TLE2: variants seen among roughly 807,000 people sequenced by gnomAD.
The protein encoded by TLE2 is TLE family member 2, transcriptional corepressor, also known as transducin-like enhancer protein 2.
In TLE2, 74 loss-of-function variants were observed where a neutral mutation model predicts 97.2. The ratio of observed to expected loss-of-function variants is 0.76; its 90% CI spans 0.63 to 0.92. TLE2 has a LOEUF of 0.92. Among genes scored for constraint, TLE2 ranks in the 40% least tolerant of loss-of-function variants. The pLI, the probability that TLE2 is intolerant of heterozygous loss-of-function variation, is 0.00. For synonymous variants in TLE2, 499 were observed against 432.1 expected, an observed-to-expected ratio of 1.15 and a Z score of -1.92; for missense variants, 1,038 against 1,008.7, an observed-to-expected ratio of 1.03 and a Z score of -0.39.
At position 3,006,575 on chromosome 19, in the gene TLE2, G is replaced by A. The variant is rs2145130522; in HGVS notation, c.1345C>T (p.Arg449Trp). The A allele has an allele frequency of 1.2e-6, 2 of 1,604,200 alleles. No homozygotes were observed. The highest frequency in any genetic ancestry group is 1.3e-5 in the African/African-American group (1 of 74,844). The stretch of plus-strand genomic sequence containing the variant: ...CCATGGGCCAGCGTGTGCAGCTGCC[G>A]GGCGTGCCGCGGGATGCCCGCGCCT... ...LVGAGIPRHA[R>W]QLHTLAHGEV... Residue 449 changes from arginine to tryptophan, a missense_variant, in exon 15 of 20, where the codon CGG (arginine) becomes TGG (tryptophan). Physicochemically the swap from Arg to Trp is moderately radical, Grantham distance 101. Coordinates refer to ENST00000262953, the MANE Select transcript of TLE2 (RefSeq NM_003260.5).
chr19:3,035,690 A>AT (rs2090056961), intron 1 of TLE2, among the ~76,000 whole-genome samples: 1 of 152,146 alleles, frequency 6.6e-6, no homozygotes, highest in Non-Finnish European at 1.5e-5. Flanking sequence ...ACGCTCCCAC[A>AT]TGGGTCAGTG....
In TLE2 at chr19:3,019,582, C is replaced by T; in HGVS notation, c.369+117G>A. 1 of 1,508,828 alleles carries T rather than the reference C, an allele frequency of 6.6e-7. No individual in the cohort carries two copies. The highest frequency in any genetic ancestry group is 8.9e-7 in the Non-Finnish European group (1 of 1,123,924). 93.5% of individuals were successfully genotyped at this position (1,508,828 alleles called of 1,614,324 possible). ...GCACAGCATGTGCCCCTGGGGTTCC[C>T]AGGACCACTGGAGCCAAGGCCCACA... On this transcript the variant is annotated intron_variant, in intron 6 of 19. Transcript: ENST00000262953. The surrounding 1 kb of genome is among the most constrained non-coding windows in gnomAD (Gnocchi z 5.1).
chr19:2,998,490 T>A (rs2089276785), intron 19 of TLE2, among the ~76,000 whole-genome samples: 1 of 151,908 alleles, frequency 6.6e-6, no homozygotes, highest in African/African-American at 2.4e-5. Flanking sequence ...GTTGGCCAGG[T>A]TGGGCTTGAA....
At chr19:3,000,600 C>G (rs1461951583) in intron 19 of TLE2, 47 bp downstream of exon 19, 1 of 1,533,116 alleles carries the variant, frequency 6.5e-7, no homozygotes, top group South Asian at 1.2e-5. Flanking sequence ...CCTGGCATAC[C>G]CGGGCACATG....
At chr19:3,023,560 C>G (rs1482526468) in intron 5 of TLE2, among the ~76,000 whole-genome samples, 1 of 152,140 alleles carries the variant, frequency 6.6e-6, no homozygotes, top group African/African-American at 2.4e-5. Flanking sequence ...GTAGAACTAT[C>G]TTTCACGTCT....
chr19:3,020,662 T>C (rs1189356480), intron 5 of TLE2: 1 of 152,192 alleles, frequency 6.6e-6, no homozygotes, highest in Non-Finnish European at 1.5e-5. Context: ...TTCAACTACG[T>C]TGTGGGCTCA....
intron 5 of TLE2, among the ~76,000 whole-genome samples, chr19:3,023,060 T>C (rs1341409610): frequency 6.0e-4 from 91 of 151,262 alleles, no homozygotes; most frequent in East Asian, 7.7e-4. Flanking sequence ...CCTAATCTTT[T>C]TTTTTTTTTT....
chr19:3,002,762 A>C (rs889843971), intron 17 of TLE2, among the ~76,000 whole-genome samples: 1 of 151,548 alleles, frequency 6.6e-6, no homozygotes, highest in African/African-American at 2.4e-5. Context: ...GCAATGTTGC[A>C]GTCTCAGCTC....
intron 1 of TLE2, among the ~76,000 whole-genome samples, chr19:3,042,801 G>A (rs568673915): frequency 6.6e-6 from 1 of 152,156 alleles, no homozygotes; most frequent in South Asian, 2.1e-4. Flanking sequence ...CTCGGAAGTC[G>A]GTTTCATATT....
At chr19:3,014,673 A>G (rs2089665337) in intron 9 of TLE2, 59 bp from the exon 10 acceptor site, 3 of 1,457,082 alleles carry the variant, frequency 2.1e-6, no homozygotes, top group East Asian at 2.6e-5. Flanking sequence ...CACACCCCCT[A>G]TCCGCTCCTC....
chr19:3,004,042 C>T (rs2089423730), intron 17 of TLE2, among the ~76,000 whole-genome samples: 1 of 152,132 alleles, frequency 6.6e-6, no homozygotes, highest in Non-Finnish European at 1.5e-5. Flanking sequence ...GGTCCTCCAC[C>T]TCATTTTAAG....
rs199863291 is a variant in TLE2 at position 2,997,944 on chromosome 19, C to T, written c.2136G>A (p.Ser712=). The part of the protein sequence containing the change: ...YGASIFQSKE[S]SSVLSCDISR... Reference sequence around the variant, plus strand: ...AGATGTCACAACTCAGGACTGAGGACGACTCCTTGGACTGCCAAGGGAAGG... The same window carrying T: ...AGATGTCACAACTCAGGACTGAGGATGACTCCTTGGACTGCCAAGGGAAGG... Residue 712 remains serine (S), a synonymous_variant, in exon 20 of 20, where the codon TCG becomes TCA. Coordinates refer to ENST00000262953, the MANE Select transcript of TLE2 (RefSeq NM_003260.5). 4.8e-5 allele frequency: 78 copies of T among 1,611,654 alleles called. No individual in the cohort carries two copies. The highest frequency in any genetic ancestry group is 1.7e-4 in the Middle Eastern group (1 of 6,060).
chr19:3,031,710 A>G (rs116592541), upstream of TLE2, among the ~76,000 whole-genome samples: 1,195 of 152,262 alleles, frequency 7.8e-3, 25 homozygotes, highest in African/African-American at 0.028. Context: ...CACCAGGCAC[A>G]GTCCAGCCTC....
intron 14 of TLE2, 112 bp downstream of exon 14, chr19:3,008,757 A>C: frequency 1.5e-5 from 13 of 842,170 alleles, no homozygotes; most frequent in South Asian, 2.5e-5. Flanking sequence ...GGCCCACACA[A>C]GAGACTTTCT....
Position 3,013,696 on chromosome 19 carries a change from CGGTGAG to C in TLE2, c.840_845del (p.Ser281_Pro282del), listed in dbSNP as rs2089642846. The C allele has an allele frequency of 4.1e-6, 6 of 1,479,260 alleles. No individual in the cohort carries two copies. The highest frequency in any genetic ancestry group is 5.4e-6 in the Non-Finnish European group (6 of 1,113,160). The allele number at this position is 1,479,260 out of a possible 1,614,324, so 91.6% of individuals were successfully genotyped here. A position where few individuals can be genotyped will look rare whatever the true frequency, so the allele number is the denominator to read the frequency against. ...GGATGAGCTCCTTGGCTCTAGGCAG[CGGTGAG>C]CCAAGGCTAGAGGCCAAGGAGGCTG... On this transcript the variant is annotated inframe_deletion, in exon 11 of 20. Coordinates refer to ENST00000262953, the MANE Select transcript of TLE2 (RefSeq NM_003260.5).
intron 8 of TLE2, 85 bp downstream of exon 8, chr19:3,017,755 G>A: frequency 4.4e-6 from 6 of 1,351,554 alleles, no homozygotes; most frequent in South Asian, 1.3e-5. Flanking sequence ...ATCGACCTAG[G>A]TCTCATTCTG....
chr19:3,017,518 A>G (rs2145172056), intron 8 of TLE2, among the ~76,000 whole-genome samples: 1 of 143,844 alleles, frequency 7.0e-6, no homozygotes, highest in East Asian at 2.0e-4. Flanking sequence ...TGGCACGATC[A>G]CAGCTCCCTT....
At chr19:3,028,574 C>A in intron 2 of TLE2, 132 bp downstream of exon 2, 2 of 1,138,568 alleles carry the variant, frequency 1.8e-6, no homozygotes, top group South Asian at 1.4e-5. Flanking sequence ...TGCACCTGCG[C>A]TTCCACCTGG....
intron 17 of TLE2, among the ~76,000 whole-genome samples, chr19:3,002,755 A>G (rs1243636662): frequency 6.6e-6 from 1 of 151,538 alleles, no homozygotes; most frequent in Non-Finnish European, 1.5e-5. Flanking sequence ...CTGGAGTGCA[A>G]TGTTGCAGTC....
Sources: allele counts gnomAD v4.1 joint callset (sites outside exome capture counted in the v4.1 genomes callset), GRCh38; gene constraint gnomAD v4.1.1; non-coding constraint Gnocchi (gnomAD v3.1); transcripts MANE v1.5; gene names NCBI Gene and HGNC (gene_info 2026-07-23, HGNC 2026-07-21).